ZCCHC24: variants seen among roughly 807,000 people sequenced by gnomAD.
ZCCHC24 encodes zinc finger CCHC-type containing 24.
ZCCHC24 carries 10 observed loss-of-function variants against 26.2 expected under a neutral mutation model. The observed-to-expected ratio is 0.38, with a 90% confidence interval of 0.24 to 0.65. ZCCHC24 has a LOEUF of 0.65. ZCCHC24 is among the 30% of genes least tolerant of loss of function. The probability of loss-of-function intolerance (pLI) is 0.54; values close to 1 mark genes in which losing one functional copy is unlikely to be tolerated. For missense variants in ZCCHC24, 243 were observed against 329.1 expected, an observed-to-expected ratio of 0.74 and a Z score of 2.03; for synonymous variants, 144 against 147.1, an observed-to-expected ratio of 0.98 and a Z score of 0.15.
In ZCCHC24 at chr10:79,445,531, T is replaced by C; in HGVS notation, c.-91A>G. 8.9e-7 allele frequency: 1 copy of C among 1,124,088 alleles called. No individual in the cohort carries two copies. The highest frequency in any genetic ancestry group is 1.1e-6 in the Non-Finnish European group (1 of 896,812). The allele number at this position is 1,124,088 out of a possible 1,614,324, so 69.6% of individuals were successfully genotyped here. A position where few individuals can be genotyped will look rare whatever the true frequency, so the allele number is the denominator to read the frequency against. The stretch of plus-strand genomic sequence containing the variant: ...CGGGCACCGGGGAGCCTGTGCCCAC[T>C]GCCCGCCTCCCGAGCCCCGACGGTG... On this transcript the variant is annotated 5_prime_UTR_variant, in exon 1 of 4. Transcript: ENST00000372336.
At chr10:79,428,623 G>A (rs1857081264) in intron 2 of ZCCHC24, among the ~76,000 whole-genome samples, 1 of 151,882 alleles carries the variant, frequency 6.6e-6, no homozygotes, top group African/African-American at 2.4e-5. Flanking sequence ...TAATTTAAAA[G>A]TAAAGATGCA....
chr10:79,409,486 G>T (rs191981025), intron 2 of ZCCHC24, among the ~76,000 whole-genome samples: 164 of 152,342 alleles, frequency 1.1e-3, no homozygotes, highest in Middle Eastern at 3.4e-3. Flanking sequence ...CAGAGACCCT[G>T]TAGGGGTCCC....
At chr10:79,413,956 C>T (rs1856829534) in intron 2 of ZCCHC24, among the ~76,000 whole-genome samples, 1 of 152,248 alleles carries the variant, frequency 6.6e-6, no homozygotes, top group African/African-American at 2.4e-5. Flanking sequence ...CGCATGGCCA[C>T]ATGTGCCCCT....
chr10:79,383,122 A>G lies in ZCCHC24; in HGVS notation c.*3223T>C, dbSNP rs1325765378. ...GTCACCATTCCCTTTTTCACTATGTATCGAATTATAGCTTCCCTTAAAAAA... is the reference window on the plus strand; with the variant it reads ...GTCACCATTCCCTTTTTCACTATGTGTCGAATTATAGCTTCCCTTAAAAAA... On this transcript the variant is annotated 3_prime_UTR_variant, in exon 4 of 4. Coordinates refer to ENST00000372336, the MANE Select transcript of ZCCHC24 (RefSeq NM_153367.4). 1 of 152,812 alleles carries G rather than the reference A, an allele frequency of 6.5e-6. No homozygotes were observed. The highest frequency in any genetic ancestry group is 6.5e-5 in the Admixed American group (1 of 15,282). 9.5% of individuals were successfully genotyped at this position (152,812 alleles called of 1,614,324 possible).
chr10:79,395,133 T>C (rs1856528429), intron 2 of ZCCHC24, among the ~76,000 whole-genome samples: 1 of 152,172 alleles, frequency 6.6e-6, no homozygotes, highest in Non-Finnish European at 1.5e-5. Context: ...GGACTCAAAC[T>C]CCTGGGCTCA....
At chr10:79,424,029 A>T (rs1464608351) in intron 2 of ZCCHC24, among the ~76,000 whole-genome samples, 3 of 149,882 alleles carry the variant, frequency 2.0e-5, no homozygotes, top group African/African-American at 7.3e-5. Context: ...AAAAAAAAAA[A>T]AAAAAAGAAA....
chr10:79,389,157 A>G (rs990553694), intron 3 of ZCCHC24, among the ~76,000 whole-genome samples: 5 of 152,206 alleles, frequency 3.3e-5, no homozygotes, highest in Non-Finnish European at 7.3e-5. Flanking sequence ...TCACAGGCAC[A>G]GCGCTCTCCC....
At chr10:79,417,118 C>T (rs1297817699) in intron 2 of ZCCHC24, among the ~76,000 whole-genome samples, 1 of 152,198 alleles carries the variant, frequency 6.6e-6, no homozygotes, top group African/African-American at 2.4e-5. Flanking sequence ...AAAGAGAATA[C>T]AAAATACTAA....
At chr10:79,398,906 T>C (rs563857691) in intron 2 of ZCCHC24, among the ~76,000 whole-genome samples, 2 of 152,264 alleles carry the variant, frequency 1.3e-5, no homozygotes, top group South Asian at 4.2e-4. Flanking sequence ...CTTGCCAAAG[T>C]GCTTCCAGTG....
intron 1 of ZCCHC24, among the ~76,000 whole-genome samples, chr10:79,434,896 G>T (rs371274762): frequency 6.6e-6 from 1 of 150,484 alleles, no homozygotes; most frequent in Non-Finnish European, 1.5e-5. Context: ...CAACGCCCCC[G>T]CCTACTGCAG....
chr10:79,435,568 A>G (rs779656111), intron 1 of ZCCHC24, among the ~76,000 whole-genome samples: 4 of 152,206 alleles, frequency 2.6e-5, no homozygotes, highest in Non-Finnish European at 5.9e-5. Flanking sequence ...AGTGCCCTCC[A>G]GCCTGTCTCC....
At chr10:79,428,255 T>C (rs922415936) in intron 2 of ZCCHC24, among the ~76,000 whole-genome samples, 1 of 152,238 alleles carries the variant, frequency 6.6e-6, no homozygotes, top group Non-Finnish European at 1.5e-5. Flanking sequence ...CTAAGTGAAC[T>C]GAGCCAATCA....
At chr10:79,443,470 C>T (rs1036534908) in intron 1 of ZCCHC24, among the ~76,000 whole-genome samples, 1 of 152,122 alleles carries the variant, frequency 6.6e-6, no homozygotes, top group African/African-American at 2.4e-5. Context: ...TCACCCTTCT[C>T]CCAGGGTGAG....
chr10:79,435,943 G>T (rs1564641542), intron 1 of ZCCHC24, among the ~76,000 whole-genome samples: 1 of 152,178 alleles, frequency 6.6e-6, no homozygotes, highest in Non-Finnish European at 1.5e-5. Context: ...CGGAGCTGGG[G>T]CTTGGCCTCT....
intron 2 of ZCCHC24, among the ~76,000 whole-genome samples, chr10:79,425,724 C>T (rs1211023809): frequency 6.6e-6 from 1 of 152,120 alleles, no homozygotes; most frequent in South Asian, 2.1e-4. Context: ...ATTAAATGAG[C>T]TAATACATAG....
intron 2 of ZCCHC24, among the ~76,000 whole-genome samples, chr10:79,431,011 A>G (rs1857119377): frequency 1.3e-5 from 2 of 152,238 alleles, no homozygotes; most frequent in Admixed American, 1.3e-4. Flanking sequence ...AGCACTTAAC[A>G]CATAGAGTAG....
At position 79,445,560 on chromosome 10, in the gene ZCCHC24, G is replaced by C. The variant is rs1376768041; in HGVS notation, c.-120C>G. The C allele has an allele frequency of 1.1e-6, 1 of 902,224 alleles. No individual in the cohort carries two copies. Among genetic ancestry groups the C allele is most frequent in the East Asian group, 5.1e-5 (1 of 19,608 alleles). 55.9% of individuals were successfully genotyped at this position (902,224 alleles called of 1,614,324 possible). ...CGCCTCCCGAGCCCCGACGGTGATC[G>C]CCCCGCGCCCTGCGCCCCGCGCGCT... On this transcript the variant is annotated 5_prime_UTR_variant, in exon 1 of 4. Coordinates refer to ENST00000372336, the MANE Select transcript of ZCCHC24 (RefSeq NM_153367.4).
chr10:79,414,930 T>C lies in ZCCHC24; in HGVS notation c.447+17628A>G, dbSNP rs1020373339. ...AGACTGCAAGTAACTGGCCTAAGGA[T>C]ACACAGCACTGGTCCCCAGGCTCTT... On this transcript the variant is annotated intron_variant, in intron 2 of 3. Transcript: ENST00000372336. 3.3e-5 allele frequency among the ~76,000 whole-genome samples: 5 copies of C among 152,368 alleles called. No homozygotes were observed. The East Asian group carries it at 9.6e-4, about 29-fold the overall frequency.
chr10:79,413,240 T>C (rs1411081585), intron 2 of ZCCHC24, among the ~76,000 whole-genome samples: 1 of 152,164 alleles, frequency 6.6e-6, no homozygotes, highest in African/African-American at 2.4e-5. Flanking sequence ...TCAATTACCA[T>C]CCACCGGCCC....
Sources: gnomAD v4.1 joint callset for allele counts (sites outside exome capture counted in the v4.1 genomes callset) on GRCh38, gnomAD v4.1.1 for gene constraint, MANE v1.5 for transcripts, NCBI Gene and HGNC (gene_info 2026-07-23, HGNC 2026-07-21) for gene names.